Variants in DOCK3 observed in about 807,000 individuals in gnomAD.
The protein encoded by DOCK3 is dedicator of cytokinesis 3, also known as dedicator of cytokinesis protein 3.
DOCK3 carries 60 observed loss-of-function variants against 265.6 expected under a neutral mutation model. The ratio of observed to expected loss-of-function variants is 0.23; its 90% CI spans 0.18 to 0.28. The LOEUF (loss-of-function observed/expected upper bound fraction) is 0.28, where lower values mean the gene tolerates loss of function less well. DOCK3 is among the 10% of genes least tolerant of loss of function. DOCK3 has a pLI of 1.00. For synonymous variants in DOCK3, 881 were observed against 938.0 expected, an observed-to-expected ratio of 0.94 and a Z score of 1.11; for missense variants, 1,981 against 2,594.3, an observed-to-expected ratio of 0.76 and a Z score of 5.14.
intron 32 of DOCK3, 93 bp downstream of exon 32, chr3:51,315,221 G>A: frequency 1.4e-6 from 2 of 1,415,726 alleles, no homozygotes; most frequent in Non-Finnish European, 1.9e-6. Context: ...ATTCTAGTGG[G>A]GATGGGCTGT....
intron 27 of DOCK3, among the ~76,000 whole-genome samples, chr3:51,285,024 A>C (rs944226616): frequency 6.6e-6 from 1 of 152,224 alleles, no homozygotes; most frequent in African/African-American, 2.4e-5. Flanking sequence ...GCATGCATCC[A>C]ACACTTTTAA....
At chr3:50,961,757 T>A (rs573325831) in intron 5 of DOCK3, among the ~76,000 whole-genome samples, 17 of 152,308 alleles carry the variant, frequency 1.1e-4, no homozygotes, top group African/African-American at 3.8e-4. Context: ...CCAAAGACAA[T>A]GCAAGCATTA....
chr3:51,310,239 T>A lies in DOCK3; in HGVS notation c.2930T>A (p.Leu977Gln). 6.3e-7 allele frequency: 1 copy of A among 1,599,344 alleles called. No homozygotes were observed. The highest frequency in any genetic ancestry group is 1.1e-5 in the South Asian group (1 of 88,016). ...GCTTTCCTCTGCTGTCAGGAATTTC[T>A]GCTGAAGATTTTTTGCGTGTTCCGG... ...FQSKDELKEF[L>Q]LKIFCVFRNL... Residue 977 changes from leucine to glutamine, a missense_variant, in exon 28 of 53, where the codon CTG becomes CAG. Leu to Gln is a moderately radical substitution (Grantham distance 113). Coordinates refer to ENST00000266037, the MANE Select transcript of DOCK3 (RefSeq NM_004947.5).
At chr3:51,150,845 T>C (rs2085550707) in intron 10 of DOCK3, among the ~76,000 whole-genome samples, 1 of 152,212 alleles carries the variant, frequency 6.6e-6, no homozygotes, top group African/African-American at 2.4e-5. Context: ...TGTAGATGTC[T>C]ATTTGGTCCA....
intron 14 of DOCK3, among the ~76,000 whole-genome samples, chr3:51,222,873 T>A (rs1221017264): frequency 1.3e-5 from 2 of 152,204 alleles, no homozygotes; most frequent in Non-Finnish European, 2.9e-5. Flanking sequence ...TGTGAGCATA[T>A]CTCTGTATAG....
At chr3:50,768,188 T>C (rs900592164) in intron 1 of DOCK3, among the ~76,000 whole-genome samples, 2 of 152,204 alleles carry the variant, frequency 1.3e-5, no homozygotes, top group Admixed American at 6.5e-5. Flanking sequence ...ATCCCTGTCC[T>C]ATGCCAGTTT....
chr3:50,853,518 G>T lies in DOCK3; in HGVS notation c.162+11803G>T, dbSNP rs577943617. Reference sequence around the variant, plus strand: ...CCACTGTTTTCCATCTTCATGTTACGTGTACTCATTGATTAGCTCCTACTT... The same window carrying T: ...CCACTGTTTTCCATCTTCATGTTACTTGTACTCATTGATTAGCTCCTACTT... On this transcript the variant is annotated intron_variant, in intron 3 of 52. Coordinates refer to ENST00000266037, the MANE Select transcript of DOCK3 (RefSeq NM_004947.5). Among the ~76,000 whole-genome samples, 7 of 152,052 alleles carry T rather than the reference G, an allele frequency of 4.6e-5. No homozygotes were observed. The South Asian group carries it at 1.5e-3, about 32-fold the overall frequency.
intron 1 of DOCK3, among the ~76,000 whole-genome samples, chr3:50,774,382 T>A (rs2041465478): frequency 6.6e-6 from 1 of 152,078 alleles, no homozygotes; most frequent in Non-Finnish European, 1.5e-5. Context: ...AGGCTTTTAA[T>A]GTCTCTAATA....
At chr3:51,068,249 A>G (rs569262811) in intron 6 of DOCK3, among the ~76,000 whole-genome samples, 1 of 152,278 alleles carries the variant, frequency 6.6e-6, no homozygotes, top group South Asian at 2.1e-4. Context: ...ACGAAATGCT[A>G]CTATGCCTTG....
At chr3:50,979,928 C>T (rs1036742796) in intron 5 of DOCK3, among the ~76,000 whole-genome samples, 3 of 152,046 alleles carry the variant, frequency 2.0e-5, no homozygotes, top group African/African-American at 7.2e-5. Context: ...TTCTGTTTCC[C>T]GACTTGTATG....
chr3:51,042,749 A>G (rs1003261962), intron 5 of DOCK3, among the ~76,000 whole-genome samples: 4 of 152,220 alleles, frequency 2.6e-5, no homozygotes, highest in African/African-American at 9.6e-5. Context: ...GCAAAGTCCC[A>G]GGATACACAA....
chr3:51,010,107 G>A (rs1370218620), intron 5 of DOCK3, among the ~76,000 whole-genome samples: 6 of 152,212 alleles, frequency 3.9e-5, no homozygotes, highest in Non-Finnish European at 2.9e-5. Context: ...GATTTGGTGT[G>A]GAGAGTTCTA....
At chr3:50,967,179 C>T (rs1316432589) in intron 5 of DOCK3, among the ~76,000 whole-genome samples, 1 of 152,054 alleles carries the variant, frequency 6.6e-6, no homozygotes, top group African/African-American at 2.4e-5. Flanking sequence ...TCATTCCTGC[C>T]CACATTTTGT....
intron 5 of DOCK3, among the ~76,000 whole-genome samples, chr3:50,962,790 G>T (rs527766753): frequency 6.6e-6 from 1 of 151,960 alleles, no homozygotes; most frequent in South Asian, 2.1e-4. Context: ...TTCAGTTATG[G>T]GTCTCTGCAA....
At chr3:50,943,836 T>C (rs2076360552) in intron 5 of DOCK3, among the ~76,000 whole-genome samples, 1 of 152,162 alleles carries the variant, frequency 6.6e-6, no homozygotes, top group Non-Finnish European at 1.5e-5. Flanking sequence ...GCTTTAGATC[T>C]GGGCTGGAAT....
chr3:50,700,430 C>T (rs2035963684), intron 1 of DOCK3, among the ~76,000 whole-genome samples: 1 of 152,182 alleles, frequency 6.6e-6, no homozygotes, highest in Non-Finnish European at 1.5e-5. Flanking sequence ...CCCCTTTGTT[C>T]CTCCCTACCT....
chr3:50,818,842 T>A (rs111896403), intron 2 of DOCK3, among the ~76,000 whole-genome samples: 1 of 152,316 alleles, frequency 6.6e-6, no homozygotes, highest in African/African-American at 2.4e-5. Flanking sequence ...TGTTGTTTAT[T>A]TAATGTCATT....
intron 7 of DOCK3, among the ~76,000 whole-genome samples, chr3:51,088,583 C>G (rs1256322131): frequency 1.3e-5 from 2 of 152,004 alleles, no homozygotes; most frequent in East Asian, 3.9e-4. Context: ...AATTGAAAAC[C>G]TAGGATTCTC....
At chr3:50,754,878 A>C (rs569363756) in intron 1 of DOCK3, among the ~76,000 whole-genome samples, 1 of 152,260 alleles carries the variant, frequency 6.6e-6, no homozygotes, top group Non-Finnish European at 1.5e-5. Flanking sequence ...TTTTGACAAC[A>C]TGGGAAATGT....
Sources: allele counts gnomAD v4.1 joint callset (sites outside exome capture counted in the v4.1 genomes callset), GRCh38; gene constraint gnomAD v4.1.1; transcripts MANE v1.5; gene names NCBI Gene and HGNC (gene_info 2026-07-23, HGNC 2026-07-21).